STARD4: variants seen among roughly 807,000 people sequenced by gnomAD.
STARD4 encodes stAR-related lipid transfer protein 4.
In STARD4, 33 loss-of-function variants were observed where a neutral mutation model predicts 24.9. The observed-to-expected ratio is 1.32, with a 90% confidence interval of 1.00 to 1.77. The LOEUF (loss-of-function observed/expected upper bound fraction) is 1.77, where lower values mean the gene tolerates loss of function less well. STARD4 is among the 40% of genes most tolerant of loss of function. STARD4 has a pLI of 0.00. For missense variants in STARD4, 238 were observed against 249.3 expected (o/e 0.95, Z 0.31); for synonymous variants, 88 against 77.4 (o/e 1.14, Z -0.72).
rs1459388403 is a variant in STARD4, at chr5:111,499,162, T to TA, written c.*723dup. The TA allele has an allele frequency of 2.0e-5, 3 of 152,206 alleles. No homozygotes were observed. The highest frequency in any genetic ancestry group is 7.2e-5 in the African/African-American group (3 of 41,450). 9.4% of individuals were successfully genotyped at this position (152,206 alleles called of 1,614,324 possible). ...TTGCCTCAAGTTCCCATTTTAGAAGTAAACTAGATGGAGAGTTCAAAACCC... is the reference window on the plus strand; with the variant it reads ...TTGCCTCAAGTTCCCATTTTAGAAGTAAAACTAGATGGAGAGTTCAAAACCC... On this transcript the variant is annotated 3_prime_UTR_variant, in exon 6 of 6. Transcript: ENST00000296632.
intron 1 of STARD4, among the ~76,000 whole-genome samples, chr5:111,510,692 T>C (rs565561144): frequency 2.0e-5 from 3 of 152,344 alleles, no homozygotes; most frequent in South Asian, 2.1e-4. Context: ...CTAGTGGTGA[T>C]AGTGGCTGCC....
rs1012826456 is a variant in STARD4, at chr5:111,507,761, C to T, written c.-9-319G>A. On this transcript the variant is annotated intron_variant, in intron 1 of 5. Transcript: ENST00000296632. This position sits in a 1 kb window ranked among gnomAD's most constrained non-coding sequence, Gnocchi z 4.4. ...ATCTCATATATAGATATGCTGTTAA[C>T]TCTCAAACATTTACCTCCAGTCCTC... is the stretch of plus-strand genomic sequence containing the variant. Among the ~76,000 whole-genome samples, 3 of 152,098 alleles carry T rather than the reference C, an allele frequency of 2.0e-5. No individual in the cohort carries two copies. Among genetic ancestry groups the T allele is most frequent in the East Asian group, 3.9e-4 (2 of 5,190 alleles).
chr5:111,502,049 A>G lies in STARD4; in HGVS notation c.195T>C (p.Ser65=). ...AQGVIDDLVY[S]IIDHIRPGPC... ...GCCCTGGGCGTATATGGTCTATTAT[A>G]CTATAGACAAGGTCATCTATAACAC... The change falls in exon 4 of 6, where the codon AGT becomes AGC. Residue 65 remains serine, a synonymous_variant. Transcript: ENST00000296632. 3 of 1,614,186 alleles carry G rather than the reference A, an allele frequency of 1.9e-6. No homozygotes were observed. The highest frequency in any genetic ancestry group is 8.5e-7 in the Non-Finnish European group (1 of 1,180,018).
Position 111,498,261 on chromosome 5 carries a change from C to T in STARD4, c.*1625G>A, listed in dbSNP as rs182476628. ...TTACCTAGAGTGGGTCCATGTTTAACGGTGAATTATGTAATTACTTATTGG... is the reference window on the plus strand; with the variant it reads ...TTACCTAGAGTGGGTCCATGTTTAATGGTGAATTATGTAATTACTTATTGG... On this transcript the variant is annotated 3_prime_UTR_variant, in exon 6 of 6. Transcript: ENST00000296632. 7.3e-5 allele frequency: 11 copies of T among 151,670 alleles called. No individual in the cohort carries two copies. In the East Asian group the frequency reaches 1.5e-3, roughly 21 times the overall value. 9.4% of individuals were successfully genotyped at this position (151,670 alleles called of 1,614,324 possible).
chr5:111,505,055 A>G (rs1008785052), intron 3 of STARD4: 1 of 455,372 alleles, frequency 2.2e-6, no homozygotes, highest in Non-Finnish European at 4.4e-6. Flanking sequence ...TGAAAAAAAA[A>G]AAACCAGTGT....
chr5:111,510,486 G>A (rs534959997), intron 1 of STARD4, among the ~76,000 whole-genome samples: 1 of 152,080 alleles, frequency 6.6e-6, no homozygotes, highest in Non-Finnish European at 1.5e-5. Flanking sequence ...CCTTATATCA[G>A]GAAATTATCC....
intron 1 of STARD4, among the ~76,000 whole-genome samples, chr5:111,510,306 G>T (rs1757157622): frequency 6.6e-6 from 1 of 152,128 alleles, no homozygotes. Flanking sequence ...CAAGGTCTTG[G>T]CTCTCTCTCC....
chr5:111,504,137 T>C (rs751308135), intron 3 of STARD4, among the ~76,000 whole-genome samples: 1 of 152,208 alleles, frequency 6.6e-6, no homozygotes, highest in African/African-American at 2.4e-5. Flanking sequence ...AAGTTGGTAA[T>C]GTCTAGTAAG....
chr5:111,498,369 G>GAAATAATAGCCCTT lies in STARD4; in HGVS notation c.*1503_*1516dup, dbSNP rs1756210432. The GAAATAATAGCCCTT allele has an allele frequency of 6.6e-6, 1 of 151,882 alleles. No homozygotes were observed. The highest frequency in any genetic ancestry group is 2.4e-5 in the African/African-American group (1 of 41,448). 9.4% of individuals were successfully genotyped at this position (151,882 alleles called of 1,614,324 possible). On this transcript the variant is annotated 3_prime_UTR_variant, in exon 6 of 6. Coordinates refer to ENST00000296632, the MANE Select transcript of STARD4 (RefSeq NM_139164.3). ...TTGCTTTTAGGGACATCCAGTTCAG[G>GAAATAATAGCCCTT]AAATAATAGCCCTTATAGTAATGTG...
At chr5:111,500,426 G>GT in intron 5 of STARD4, 3 of 1,079,476 alleles carry the variant, frequency 2.8e-6, no homozygotes, top group Non-Finnish European at 2.2e-6. Flanking sequence ...CCATGGTACC[G>GT]TAACTATTCC....
intron 3 of STARD4, among the ~76,000 whole-genome samples, chr5:111,503,901 C>G (rs1200387830): frequency 6.6e-6 from 1 of 152,168 alleles, no homozygotes; most frequent in East Asian, 1.9e-4. Context: ...TGAATAACTC[C>G]TATAAACCAA....
Position 111,496,837 on chromosome 5 carries a change from T to G in STARD4, c.*3049A>C, listed in dbSNP as rs1297535976. The G allele has an allele frequency of 6.6e-6, 1 of 152,018 alleles. No individual in the cohort carries two copies. The highest frequency in any genetic ancestry group is 1.9e-4 in the East Asian group (1 of 5,190). 9.4% of individuals were successfully genotyped at this position (152,018 alleles called of 1,614,324 possible). ...CAATTTCAAATATATCCAACCTGAA[T>G]GAACACTGAAATAAAAAGATTTTTA... On this transcript the variant is annotated 3_prime_UTR_variant, in exon 6 of 6. Coordinates refer to ENST00000296632, the MANE Select transcript of STARD4 (RefSeq NM_139164.3).
At position 111,500,000 on chromosome 5, in the gene STARD4, A is replaced by G. The variant is rs77342042; in HGVS notation, c.504T>C (p.Leu168=). The part of the protein sequence containing the change: ...VPLKDNPNQS[L]LTGYIQTDLR... The stretch of plus-strand genomic sequence containing the variant: ...GATCTGTCTGAATATATCCTGTCAA[A>G]AGACTCTGGTTTGGGTTGTCTTTAA... Residue 168 remains leucine, a synonymous_variant, in exon 6 of 6, where the codon CTT becomes CTC. Transcript: ENST00000296632. 2.7e-4 allele frequency: 435 copies of G among 1,614,154 alleles called. No individual in the cohort carries two copies. In the African/African-American group the frequency reaches 5.3e-3, roughly 20 times the overall value.
At chr5:111,505,967 A>G (rs368208563) in intron 3 of STARD4, among the ~76,000 whole-genome samples, 1 of 152,066 alleles carries the variant, frequency 6.6e-6, no homozygotes, top group East Asian at 1.9e-4. Context: ...TTGGGAAACC[A>G]AGGCGGGATG....
In STARD4 at chr5:111,507,400, T is replaced by C. The variant is rs1162535930; in HGVS notation, c.34A>G (p.Thr12Ala). 6.2e-7 allele frequency: 1 copy of C among 1,613,734 alleles called. No homozygotes were observed. Among genetic ancestry groups the C allele is most frequent in the East Asian group, 2.2e-5 (1 of 44,834 alleles). The stretch of plus-strand genomic sequence containing the variant: ...TGGATGAGAGTGTTTTTAAGTTTAG[T>C]TGCAAAAGAAGCAACATCAGACAGG... Reference protein sequence around the residue: ...EGLSDVASFATKLKNTLIQYH... With the variant: ...EGLSDVASFAAKLKNTLIQYH... Residue 12 changes from threonine to alanine, a missense_variant, in exon 2 of 6, where the codon ACT becomes GCT. By Grantham distance (58) the Thr-to-Ala change is moderately conservative. Transcript: ENST00000296632. The surrounding 1 kb of genome is among the most constrained non-coding windows in gnomAD (Gnocchi z 4.4).
intron 1 of STARD4, among the ~76,000 whole-genome samples, chr5:111,511,529 A>C (rs997685500): frequency 2.6e-5 from 4 of 152,222 alleles, no homozygotes; most frequent in African/African-American, 9.6e-5. Flanking sequence ...GGTCTTCCAT[A>C]AGTGAGAATA....
rs1027935910 is a variant in STARD4 at position 111,497,412 on chromosome 5, G to A, written c.*2474C>T. The A allele has an allele frequency of 6.6e-6, 1 of 151,738 alleles. No individual in the cohort carries two copies. The highest frequency in any genetic ancestry group is 2.4e-5 in the African/African-American group (1 of 41,322). 9.4% of individuals were successfully genotyped at this position (151,738 alleles called of 1,614,324 possible). A position where few individuals can be genotyped will look rare whatever the true frequency, so the allele number is the denominator to read the frequency against. ...AGACAAATTAATAAATATGCTATAG[G>A]ACTGTGCTATTCAATACAGTATCCA... On this transcript the variant is annotated 3_prime_UTR_variant, in exon 6 of 6. Transcript: ENST00000296632.
In STARD4 at chr5:111,499,783, T is replaced by A. The variant is rs1309773672; in HGVS notation, c.*103A>T. 9.2e-7 allele frequency: 1 copy of A among 1,088,582 alleles called. No homozygotes were observed. Among genetic ancestry groups the A allele is most frequent in the Admixed American group, 2.4e-5 (1 of 42,434 alleles). 67.4% of individuals were successfully genotyped at this position (1,088,582 alleles called of 1,614,324 possible). Reference sequence around the variant, plus strand: ...ACTAGTGAACCAAAAACATTTCAAATTTTTCTACCGGCTATGCAGAAAAGT... The same window carrying A: ...ACTAGTGAACCAAAAACATTTCAAAATTTTCTACCGGCTATGCAGAAAAGT... On this transcript the variant is annotated 3_prime_UTR_variant, in exon 6 of 6. Transcript: ENST00000296632.
Position 111,500,978 on chromosome 5 carries a change from A to G in STARD4, c.397+24T>C, listed in dbSNP as rs777980466. On this transcript the variant is annotated intron_variant, in intron 5 of 5. Transcript: ENST00000296632. ...AAATATTTAAACCATACTGAAAAAA[A>G]GCATAACATGTTGAGATTATTACCA... 5 of 1,613,710 alleles carry G rather than the reference A, an allele frequency of 3.1e-6. No individual in the cohort carries two copies. In the South Asian group the frequency reaches 3.3e-5, roughly 11 times the overall value.
Sources: allele counts gnomAD v4.1 joint callset (sites outside exome capture counted in the v4.1 genomes callset), GRCh38; gene constraint gnomAD v4.1.1; non-coding constraint Gnocchi (gnomAD v3.1); transcripts MANE v1.5; gene names NCBI Gene and HGNC (gene_info 2026-07-23, HGNC 2026-07-21).